Variants in SPRED2 observed in about 807,000 individuals in gnomAD.
SPRED2 encodes sprouty-related, EVH1 domain-containing protein 2.
SPRED2 carries 47 observed loss-of-function variants against 43.0 expected under a neutral mutation model. The observed-to-expected ratio is 1.09, with a 90% CI of 0.87 to 1.40. SPRED2 has a LOEUF of 1.40. SPRED2 is among the 40% of genes most tolerant of loss of function. SPRED2 has a pLI of 0.00. For missense variants in SPRED2, 561 were observed against 586.4 expected (o/e 0.96, Z 0.45); for synonymous variants, 225 against 225.7 (o/e 1.00, Z 0.03).
intron 1 of SPRED2, among the ~76,000 whole-genome samples, chr2:65,355,604 G>T (rs1270211745): frequency 6.6e-6 from 1 of 152,132 alleles, no homozygotes; most frequent in African/African-American, 2.4e-5. Context: ...TGTAAACCCA[G>T]CTACTCAGGA....
At chr2:65,348,330 A>T (rs74782830) in intron 1 of SPRED2, among the ~76,000 whole-genome samples, 1 of 152,168 alleles carries the variant, frequency 6.6e-6, no homozygotes, top group African/African-American at 2.4e-5. Context: ...ATATGCTACT[A>T]AATCAATGCT....
At chr2:65,377,395 G>A (rs1675266889) in intron 1 of SPRED2, among the ~76,000 whole-genome samples, 1 of 152,198 alleles carries the variant, frequency 6.6e-6, no homozygotes, top group South Asian at 2.1e-4. Context: ...GCACTGGATT[G>A]GTATTTGTGA....
chr2:65,352,685 G>A (rs371575994), intron 1 of SPRED2, among the ~76,000 whole-genome samples: 159 of 152,278 alleles, frequency 1.0e-3, no homozygotes, highest in African/African-American at 3.7e-3. Flanking sequence ...GTGCAGTGGC[G>A]CGATCTCAGC....
rs1673072083 is a variant in SPRED2, at chr2:65,311,705, C to T, written c.*1796G>A. 2 of 985,356 alleles carry T rather than the reference C, an allele frequency of 2.0e-6. No homozygotes were observed. Among genetic ancestry groups the T allele is most frequent in the East Asian group, 1.1e-4 (1 of 8,836 alleles). The allele number at this position is 985,356 out of a possible 1,614,324, so 61.0% of individuals were successfully genotyped here. ...CTGCTCCTTTTCCAAACTGGAAAGC[C>T]TAAACCAGTTACTCCAATGAATGAA... On this transcript the variant is annotated 3_prime_UTR_variant, in exon 6 of 6. Coordinates refer to ENST00000356388, the MANE Select transcript of SPRED2 (RefSeq NM_181784.3).
intron 2 of SPRED2, among the ~76,000 whole-genome samples, chr2:65,342,080 T>C (rs185346264): frequency 2.0e-5 from 3 of 151,476 alleles, no homozygotes; most frequent in East Asian, 3.9e-4. Flanking sequence ...AACAGATAAT[T>C]AATTCACAGT....
intron 4 of SPRED2, among the ~76,000 whole-genome samples, chr2:65,330,348 C>G (rs1024252267): frequency 1.2e-4 from 18 of 152,190 alleles, no homozygotes; most frequent in African/African-American, 4.1e-4. Flanking sequence ...ACTCCTGGGA[C>G]AACTGGGGAA....
chr2:65,417,433 C>T (rs1676312243), intron 1 of SPRED2, among the ~76,000 whole-genome samples: 2 of 151,974 alleles, frequency 1.3e-5, no homozygotes, highest in African/African-American at 4.8e-5. Context: ...AGCTTAAGAC[C>T]CCTACCTACC....
chr2:65,364,897 T>C (rs888038271), intron 1 of SPRED2, among the ~76,000 whole-genome samples: 1 of 152,212 alleles, frequency 6.6e-6, no homozygotes, highest in African/African-American at 2.4e-5. Context: ...GAACCCTAAG[T>C]TGAGTGTGGC....
At position 65,344,805 on chromosome 2, in the gene SPRED2, G is replaced by A. The variant is rs766786230; in HGVS notation, c.118C>T (p.Arg40Cys). The A allele has an allele frequency of 5.0e-6, 8 of 1,614,002 alleles. No homozygotes were observed. The highest frequency in any genetic ancestry group is 1.7e-5 in the Admixed American group (1 of 59,996). Residue 40 changes from arginine (R) to cysteine (C), a missense_variant, in exon 2 of 6, where the codon CGC (arginine) becomes TGC (cysteine). This residue lies in a region of SPRED2 where 305 missense variants were observed against 282.4 expected (regional missense o/e 1.08). Transcript: ENST00000356388. ...TGCATGACCTTACAGACCCCGACGC[G>A]ACTGATCCCGCCTCCTTCCTGTGGG... ...WFPQEGGGIS[R>C]VGVCKVMHPE...
intron 1 of SPRED2, among the ~76,000 whole-genome samples, chr2:65,345,259 G>GTTGTTTTTT (rs757675092): frequency 1.8e-5 from 2 of 111,344 alleles, no homozygotes; most frequent in African/African-American, 6.4e-5. Flanking sequence ...TTTAGTTGTT[G>GTTGTTTTTT]TTTTTTTTTT....
intron 1 of SPRED2, among the ~76,000 whole-genome samples, chr2:65,417,087 C>T (rs764006288): frequency 6.6e-6 from 1 of 152,132 alleles, no homozygotes; most frequent in Non-Finnish European, 1.5e-5. Context: ...AACCGCCACC[C>T]TTCCCATCCT....
At chr2:65,308,356 A>G (rs1425683255), downstream of SPRED2, 3 of 985,350 alleles carry the variant, frequency 3.0e-6, no homozygotes, top group African/African-American at 3.5e-5. Context: ...AAACCCAGCC[A>G]GCTTAGTGCA....
In SPRED2 at chr2:65,348,792, T is replaced by TAA. The variant is rs11455990; in HGVS notation, c.27-3898_27-3897dup. On this transcript the variant is annotated intron_variant, in intron 1 of 5. Coordinates refer to ENST00000356388, the MANE Select transcript of SPRED2 (RefSeq NM_181784.3). ...TGGGCAACAAGAGCAAAACTCCGTC[T>TAA]AAAAAAAAAAAAAATCTATGGCTAA... 5.6e-3 allele frequency among the ~76,000 whole-genome samples: 817 copies of TAA among 145,784 alleles called. 10 individuals are homozygous for TAA. Among genetic ancestry groups the TAA allele is most frequent in the African/African-American group, 0.018 (728 of 39,646 alleles).
chr2:65,422,766 T>C (rs2103801480), intron 1 of SPRED2, among the ~76,000 whole-genome samples: 1 of 152,248 alleles, frequency 6.6e-6, no homozygotes, highest in East Asian at 1.9e-4. Context: ...TTTGTTGTTG[T>C]TTTTTATTTT....
chr2:65,328,315 A>G (rs1673705666), intron 4 of SPRED2, among the ~76,000 whole-genome samples: 1 of 152,198 alleles, frequency 6.6e-6, no homozygotes, highest in Admixed American at 6.5e-5. Context: ...TTTCTGCAAT[A>G]AAAGGAATCT....
intron 4 of SPRED2, among the ~76,000 whole-genome samples, chr2:65,326,446 C>G (rs984676944): frequency 6.6e-6 from 1 of 152,176 alleles, no homozygotes; most frequent in Admixed American, 6.5e-5. Flanking sequence ...TGAGGGCCTA[C>G]GTTGGTTCCA....
At chr2:65,363,347 C>A (rs550649588) in intron 1 of SPRED2, among the ~76,000 whole-genome samples, 1 of 151,976 alleles carries the variant, frequency 6.6e-6, no homozygotes, top group South Asian at 2.1e-4. Flanking sequence ...AACAAGCTGT[C>A]AGCAAACATG....
chr2:65,415,888 G>A (rs1029764114), intron 1 of SPRED2, among the ~76,000 whole-genome samples: 4 of 152,136 alleles, frequency 2.6e-5, no homozygotes, highest in African/African-American at 4.8e-5. Context: ...AACAAAGGGC[G>A]AAAGAAAAGG....
chr2:65,426,567 A>G (rs1339208120), intron 1 of SPRED2, among the ~76,000 whole-genome samples: 3 of 152,122 alleles, frequency 2.0e-5, no homozygotes, highest in Non-Finnish European at 4.4e-5. Context: ...TGTAGGGAAA[A>G]AAATAATACA....
Sources: gnomAD v4.1 joint callset for allele counts (sites outside exome capture counted in the v4.1 genomes callset) on GRCh38, gnomAD v4.1.1 for gene constraint, gnomAD v4.1.1 regional missense constraint, MANE v1.5 for transcripts, NCBI Gene and HGNC (gene_info 2026-07-23, HGNC 2026-07-21) for gene names.